The following MTF1 variants were observed in gnomAD, a reference collection of about 807,000 sequenced individuals.
The protein encoded by MTF1 is metal regulatory transcription factor 1.
A neutral mutation model predicts 70.4 loss-of-function variants in MTF1; 22 were observed. The ratio of observed to expected loss-of-function variants is 0.31; its 90% CI spans 0.22 to 0.45. The LOEUF (loss-of-function observed/expected upper bound fraction) is 0.45. Among genes scored for constraint, MTF1 ranks in the 20% least tolerant of loss-of-function variants. The pLI, the probability that MTF1 is intolerant of heterozygous loss-of-function variation, is 1.00. For missense variants in MTF1, 649 were observed against 922.0 expected (o/e 0.70, Z 3.83); for synonymous variants, 333 against 352.8 (o/e 0.94, Z 0.63).
At position 37,822,437 on chromosome 1, in the gene MTF1, T is replaced by C; in HGVS notation, c.1451A>G (p.Glu484Gly). ...CGGTGCCTGGGGGTGCGGAAGAAAC[T>C]CTTGATGATTAGCAGCAAACTGTGT... ...HSTQFAANHQEFLPHPQAPQP... is the reference protein window; with the variant it reads ...HSTQFAANHQGFLPHPQAPQP... Residue 484 changes from glutamate to glycine, a missense_variant, in exon 9 of 11, where the codon GAG becomes GGG. By Grantham distance (98) the Glu-to-Gly change is moderately conservative (BLOSUM62 -2). Transcript: ENST00000373036. 6.2e-7 allele frequency: 1 copy of C among 1,614,002 alleles called. No homozygotes were observed. The highest frequency in any genetic ancestry group is 8.5e-7 in the Non-Finnish European group (1 of 1,179,996).
chr1:37,838,767 T>C lies in MTF1; in HGVS notation c.648-11A>G. The C allele has an allele frequency of 6.9e-7, 1 of 1,443,056 alleles. No homozygotes were observed. Among genetic ancestry groups the C allele is most frequent in the Non-Finnish European group, 9.3e-7 (1 of 1,069,642 alleles). 89.4% of individuals were successfully genotyped at this position (1,443,056 alleles called of 1,614,324 possible). A position where few individuals can be genotyped will look rare whatever the true frequency, so the allele number is the denominator to read the frequency against. ...TGATGTGCTTTCAGCCTGCAAAATA[T>C]TCCAGAAAAATTCCCTTTGTCATAA... On this transcript the variant is annotated splice_polypyrimidine_tract_variant and intron_variant, in intron 3 of 10. Coordinates refer to ENST00000373036, the MANE Select transcript of MTF1 (RefSeq NM_005955.3).
chr1:37,821,046 G>A (rs963671542), intron 9 of MTF1, among the ~76,000 whole-genome samples: 1 of 152,202 alleles, frequency 6.6e-6, no homozygotes, highest in Non-Finnish European at 1.5e-5. Flanking sequence ...CAGTCATGGT[G>A]GTGGGTGCCT....
chr1:37,837,988 C>A (rs1366577854), intron 4 of MTF1, among the ~76,000 whole-genome samples: 2 of 152,088 alleles, frequency 1.3e-5, no homozygotes, highest in Non-Finnish European at 1.5e-5. Flanking sequence ...AAGTAGATAA[C>A]CCAAGTCCCT....
intron 2 of MTF1, among the ~76,000 whole-genome samples, chr1:37,842,298 A>G (rs1266706707): frequency 1.3e-5 from 2 of 152,066 alleles, no homozygotes; most frequent in African/African-American, 4.8e-5. Context: ...GATTTAGAAA[A>G]GAAAGAAAAA....
In MTF1 at chr1:37,814,000, T is replaced by C. The variant is rs935861483; in HGVS notation, c.*1136A>G. 2 of 152,378 alleles carry C rather than the reference T, an allele frequency of 1.3e-5. No individual in the cohort carries two copies. Among genetic ancestry groups the C allele is most frequent in the African/African-American group, 2.4e-5 (1 of 41,378 alleles). The allele number at this position is 152,378 out of a possible 1,614,324, so 9.4% of individuals were successfully genotyped here. On this transcript the variant is annotated 3_prime_UTR_variant, in exon 11 of 11. Coordinates refer to ENST00000373036, the MANE Select transcript of MTF1 (RefSeq NM_005955.3). ...AGATCATCGTTTTGTGTTTCTTTTTTTTTTTTTTTTAAATAAATCACATGA... is the reference window on the plus strand; with the variant it reads ...AGATCATCGTTTTGTGTTTCTTTTTCTTTTTTTTTTAAATAAATCACATGA...
Position 37,857,676 on chromosome 1 carries a change from C to A in MTF1, c.-18G>T. 6.2e-7 allele frequency: 1 copy of A among 1,608,128 alleles called. No individual in the cohort carries two copies. The highest frequency in any genetic ancestry group is 1.3e-5 in the African/African-American group (1 of 74,858). On this transcript the variant is annotated 5_prime_UTR_variant, in exon 2 of 11. Transcript: ENST00000373036. ...TCCCCCATGGTTCAGTTGTGCTCAG[C>A]CCAGTTGTGAGAAATGAAAACGTAA...
In MTF1 at chr1:37,838,642, T is replaced by A. The variant is rs750142628; in HGVS notation, c.762A>T (p.Thr254=). ...SDLRKHIRTH[T]GEKPFRCDHD... Reference sequence around the variant, plus strand: ...AGACCTACCGAAATGGCTTTTCCCCTGTATGAGTTCGAATGTGCTTCCTCA... The same window carrying A: ...AGACCTACCGAAATGGCTTTTCCCCAGTATGAGTTCGAATGTGCTTCCTCA... Residue 254 remains threonine, a synonymous_variant, in exon 4 of 11, where the codon ACA becomes ACT. Coordinates refer to ENST00000373036, the MANE Select transcript of MTF1 (RefSeq NM_005955.3). The A allele has an allele frequency of 6.2e-7, 1 of 1,612,326 alleles. No individual in the cohort carries two copies. Among genetic ancestry groups the A allele is most frequent in the Admixed American group, 1.7e-5 (1 of 59,876 alleles).
At chr1:37,858,015 TAAAA>T (rs71053997) in intron 1 of MTF1, among the ~76,000 whole-genome samples, 1 of 124,042 alleles carries the variant, frequency 8.1e-6, no homozygotes, top group African/African-American at 3.3e-5. Context: ...CCATCTCTAA[TAAAA>T]AAAAAAAAAA....
In MTF1 at chr1:37,838,674, T is replaced by C; in HGVS notation, c.730A>G (p.Ser244Gly). 1 of 1,612,958 alleles carries C rather than the reference T, an allele frequency of 6.2e-7. No homozygotes were observed. The highest frequency in any genetic ancestry group is 8.5e-7 in the Non-Finnish European group (1 of 1,179,118). ...EGCSKYFTTL[S>G]DLRKHIRTHT... ...GTTCGAATGTGCTTCCTCAGATCAC[T>C]GAGTGTGGTGAAGTATTTGCTGCAG... Residue 244 changes from serine to glycine, a missense_variant, in exon 4 of 11, where the codon AGT (serine) becomes GGT (glycine). This residue lies in a region of MTF1 where 118 missense variants were observed against 287.2 expected (regional missense o/e 0.41). Transcript: ENST00000373036.
intron 2 of MTF1, among the ~76,000 whole-genome samples, chr1:37,851,271 G>T (rs1196893634): frequency 6.6e-6 from 1 of 152,232 alleles, no homozygotes; most frequent in Non-Finnish European, 1.5e-5. Context: ...ATGGAAAAAT[G>T]TGGGTGAGAG....
intron 2 of MTF1, among the ~76,000 whole-genome samples, chr1:37,849,207 C>A (rs906276419): frequency 6.6e-6 from 1 of 152,094 alleles, no homozygotes; most frequent in Non-Finnish European, 1.5e-5. Flanking sequence ...GGGTGGATCA[C>A]CTGAGGTCAG....
rs1641096871 is a variant in MTF1 at position 37,832,184 on chromosome 1, C to G, written c.1068+61G>C. On this transcript the variant is annotated intron_variant, in intron 7 of 10. Coordinates refer to ENST00000373036, the MANE Select transcript of MTF1 (RefSeq NM_005955.3). ...GACTGGCCTGCCTCAATTTTCCCAC[C>G]AAAGGGAGTGCTTAATTCTTGCCCT... 6 of 1,119,522 alleles carry G rather than the reference C, an allele frequency of 5.4e-6. No homozygotes were observed. In the Admixed American group the frequency reaches 1.1e-4, roughly 21 times the overall value. 69.3% of individuals were successfully genotyped at this position (1,119,522 alleles called of 1,614,324 possible).
intron 1 of MTF1, among the ~76,000 whole-genome samples, chr1:37,859,257 G>A (rs1641558926): frequency 6.6e-6 from 1 of 152,200 alleles, no homozygotes; most frequent in Non-Finnish European, 1.5e-5. Context: ...CTGGGAAAAG[G>A]AACCTGTCTG....
rs866126485 is a variant in MTF1 at position 37,809,947 on chromosome 1, G to A, written c.*5189C>T. 4 of 152,614 alleles carry A rather than the reference G, an allele frequency of 2.6e-5. No homozygotes were observed. Among genetic ancestry groups the A allele is most frequent in the Middle Eastern group, 3.4e-3 (1 of 294 alleles). The allele number at this position is 152,614 out of a possible 1,614,324, so 9.5% of individuals were successfully genotyped here. A position where few individuals can be genotyped will look rare whatever the true frequency, so the allele number is the denominator to read the frequency against. On this transcript the variant is annotated 3_prime_UTR_variant, in exon 11 of 11. Coordinates refer to ENST00000373036, the MANE Select transcript of MTF1 (RefSeq NM_005955.3). ...GTATGTCAAAAAAAAGGGCTCTTGG[G>A]GGCTCTTGCCTTTCCTGGCTAGAAG...
Position 37,815,660 on chromosome 1 carries a change from CA to C in MTF1, c.1832-95del. 12 of 904,416 alleles carry C rather than the reference CA, an allele frequency of 1.3e-5. No homozygotes were observed. In the South Asian group the frequency reaches 2.5e-4, roughly 19 times the overall value. 56.0% of individuals were successfully genotyped at this position (904,416 alleles called of 1,614,324 possible). Reference sequence around the variant, plus strand: ...CATGGACTAGGTGAGAGCAGAGTGCCATGGGAACCATGGGAAGGATGGTTGC... The same window carrying C: ...CATGGACTAGGTGAGAGCAGAGTGCCTGGGAACCATGGGAAGGATGGTTGC... On this transcript the variant is annotated intron_variant, in intron 10 of 10. Transcript: ENST00000373036. The surrounding 1 kb of genome is among the most constrained non-coding windows in gnomAD (Gnocchi z 4.5).
rs1641146889 is a variant in MTF1 at position 37,835,136 on chromosome 1, T to C, written c.933A>G (p.Lys311=). ...STQYSLKSHM[K]GHDNKGHSYN... ...ATGAGTGTCCTTTGTTATCATGACC[T>C]TTCATGTGACTTTTGAGACTGTATT... Residue 311 remains lysine, a synonymous_variant, in exon 6 of 11, where the codon AAA becomes AAG. Transcript: ENST00000373036. 1.2e-6 allele frequency: 2 copies of C among 1,613,922 alleles called. No individual in the cohort carries two copies. Among genetic ancestry groups the C allele is most frequent in the African/African-American group, 1.3e-5 (1 of 74,928 alleles).
intron 6 of MTF1, 124 bp downstream of exon 6, chr1:37,834,955 G>T: frequency 9.8e-7 from 1 of 1,018,554 alleles, no homozygotes; most frequent in Non-Finnish European, 1.5e-6. Context: ...CACTGATCTT[G>T]ACCCTGACTT....
At chr1:37,851,712 T>C (rs1641420489) in intron 2 of MTF1, among the ~76,000 whole-genome samples, 1 of 152,238 alleles carries the variant, frequency 6.6e-6, no homozygotes, top group Non-Finnish European at 1.5e-5. Context: ...TGAAACACTT[T>C]CACACAGTAA....
chr1:37,854,991 G>A (rs868100137), intron 2 of MTF1, among the ~76,000 whole-genome samples: 1 of 152,106 alleles, frequency 6.6e-6, no homozygotes, highest in African/African-American at 2.4e-5. Flanking sequence ...CCTGGGAGGC[G>A]GAGGTTGCAG....
Sources: allele counts gnomAD v4.1 joint callset (sites outside exome capture counted in the v4.1 genomes callset), GRCh38; gene constraint gnomAD v4.1.1; regional missense constraint gnomAD v4.1.1; non-coding constraint Gnocchi (gnomAD v3.1); transcripts MANE v1.5; gene names NCBI Gene and HGNC (gene_info 2026-07-23, HGNC 2026-07-21).